TMEM209: variants seen among roughly 807,000 people sequenced by gnomAD.
The protein encoded by TMEM209 is transmembrane protein 209, also known as testicular tissue protein Li 202.
TMEM209 carries 65 observed loss-of-function variants against 76.2 expected under a neutral mutation model. The ratio of observed to expected loss-of-function variants is 0.85; its 90% CI spans 0.70 to 1.05. The LOEUF (loss-of-function observed/expected upper bound fraction) is 1.05, where lower values mean the gene tolerates loss of function less well. TMEM209 is among the 50% of genes least tolerant of loss of function. The probability of loss-of-function intolerance (pLI) is 0.00; values close to 1 mark genes in which losing one functional copy is unlikely to be tolerated. For synonymous variants in TMEM209, 239 were observed against 237.6 expected (o/e 1.01, Z -0.06); for missense variants, 623 against 685.5 (o/e 0.91, Z 1.02).
chr7:130,188,163 A>G (rs1047299705), intron 6 of TMEM209, among the ~76,000 whole-genome samples: 6 of 152,274 alleles, frequency 3.9e-5, no homozygotes, highest in South Asian at 4.1e-4. Context: ...AATTAGTTAA[A>G]TAACAGTTTA....
At chr7:130,200,665 T>C (rs1434100163) in intron 5 of TMEM209, among the ~76,000 whole-genome samples, 1 of 152,198 alleles carries the variant, frequency 6.6e-6, no homozygotes, top group Non-Finnish European at 1.5e-5. Flanking sequence ...AGTATCATCT[T>C]GTGAAAAATT....
intron 11 of TMEM209, 101 bp downstream of exon 11, chr7:130,175,411 G>T: frequency 9.3e-7 from 1 of 1,080,806 alleles, no homozygotes; most frequent in Non-Finnish European, 1.3e-6. Flanking sequence ...GCAGTGAGAC[G>T]TGACTGTGCC....
chr7:130,200,866 G>A (rs1798164885), intron 5 of TMEM209, among the ~76,000 whole-genome samples: 1 of 151,968 alleles, frequency 6.6e-6, no homozygotes. Flanking sequence ...GAGGAGGGCA[G>A]ATCGCAAGGT....
At chr7:130,201,249 C>T (rs74910641) in intron 5 of TMEM209, among the ~76,000 whole-genome samples, 43 of 152,138 alleles carry the variant, frequency 2.8e-4, no homozygotes, top group Non-Finnish European at 5.4e-4. Context: ...CTTCTTTCAA[C>T]GCCCCCTTAT....
chr7:130,197,924 CTTTA>C (rs1199667398), intron 5 of TMEM209, among the ~76,000 whole-genome samples: 1 of 152,174 alleles, frequency 6.6e-6, no homozygotes, highest in East Asian at 1.9e-4. Context: ...TTAAAAATAG[CTTTA>C]TTGAGATATA....
intron 7 of TMEM209, 81 bp downstream of exon 7, chr7:130,185,111 C>T (rs1797551343): frequency 4.2e-6 from 6 of 1,440,682 alleles, no homozygotes; most frequent in South Asian, 2.8e-5. Flanking sequence ...TGGAAGATTA[C>T]AGAAAAAATG....
chr7:130,188,675 T>C (rs1797695420), intron 6 of TMEM209, among the ~76,000 whole-genome samples: 1 of 149,552 alleles, frequency 6.7e-6, no homozygotes, highest in African/African-American at 2.5e-5. Flanking sequence ...CATCAACAGA[T>C]GCTAAAATCA....
In TMEM209 at chr7:130,181,607, C is replaced by T; in HGVS notation, c.1120+16G>A. On this transcript the variant is annotated intron_variant, in intron 9 of 14. Coordinates refer to ENST00000397622, the MANE Select transcript of TMEM209 (RefSeq NM_032842.4). ...TTACTAATAGAAATCCAACACTGGGCTCTGTTTTCACATACCTCCTATCTG... is the reference window on the plus strand; with the variant it reads ...TTACTAATAGAAATCCAACACTGGGTTCTGTTTTCACATACCTCCTATCTG... 1 of 1,600,954 alleles carries T rather than the reference C, an allele frequency of 6.2e-7. No individual in the cohort carries two copies.
intron 4 of TMEM209, 143 bp from the exon 5 acceptor site, chr7:130,202,234 C>T (rs1268024530): frequency 3.0e-5 from 36 of 1,204,508 alleles, no homozygotes; most frequent in Non-Finnish European, 3.6e-5. Flanking sequence ...TGTATTATTA[C>T]CAAAGGACAC....
Position 130,185,367 on chromosome 7 carries a change from C to T in TMEM209, c.776G>A (p.Gly259Glu). The T allele has an allele frequency of 3.1e-6, 5 of 1,613,028 alleles. No individual in the cohort carries two copies. The highest frequency in any genetic ancestry group is 4.2e-6 in the Non-Finnish European group (5 of 1,179,288). The change falls in exon 7 of 15, where the codon GGG becomes GAG. Residue 259 changes from glycine to glutamate, a missense_variant and splice_region_variant. Coordinates refer to ENST00000397622, the MANE Select transcript of TMEM209 (RefSeq NM_032842.4). ...EEEKQHRVKL[G>E]SPDSTSPSSS... ...GGAAGGAGAGGTAGAATCTGGGCTCCCTACAATTGTTAAGATAAACAGTAT... is the reference window on the plus strand; with the variant it reads ...GGAAGGAGAGGTAGAATCTGGGCTCTCTACAATTGTTAAGATAAACAGTAT...
Position 130,202,227 on chromosome 7 carries a change from A to T in TMEM209, c.332-136T>A, listed in dbSNP as rs75793593. On this transcript the variant is annotated intron_variant, in intron 4 of 14. Coordinates refer to ENST00000397622, the MANE Select transcript of TMEM209 (RefSeq NM_032842.4). ...ACTTGGTTGTTAAATCACAGAATGTATTATTACCAAAGGACACAAATTACG... is the reference window on the plus strand; with the variant it reads ...ACTTGGTTGTTAAATCACAGAATGTTTTATTACCAAAGGACACAAATTACG... The T allele has an allele frequency of 7.1e-5, 87 of 1,227,964 alleles. No individual in the cohort carries two copies. In the African/African-American group the frequency reaches 1.3e-3, roughly 18 times the overall value. 76.1% of individuals were successfully genotyped at this position (1,227,964 alleles called of 1,614,324 possible).
At position 130,175,400 on chromosome 7, in the gene TMEM209, T is replaced by C. The variant is rs1797200112; in HGVS notation, c.1344+112A>G. The C allele has an allele frequency of 4.1e-6, 4 of 966,268 alleles. 1 individual carries two copies. The highest frequency in any genetic ancestry group is 3.3e-5 in the South Asian group (2 of 60,762). 59.9% of individuals were successfully genotyped at this position (966,268 alleles called of 1,614,324 possible). On this transcript the variant is annotated intron_variant, in intron 11 of 14. Coordinates refer to ENST00000397622, the MANE Select transcript of TMEM209 (RefSeq NM_032842.4). Reference sequence around the variant, plus strand: ...CACTTGAGCCCTGGGAGATCAAAGCTGCAGTGAGACGTGACTGTGCCACTG... The same window carrying C: ...CACTTGAGCCCTGGGAGATCAAAGCCGCAGTGAGACGTGACTGTGCCACTG...
At position 130,166,515 on chromosome 7, in the gene TMEM209, G is replaced by A; in HGVS notation, c.1632-10C>T. The A allele has an allele frequency of 1.3e-6, 2 of 1,496,664 alleles. No homozygotes were observed. Among genetic ancestry groups the A allele is most frequent in the South Asian group, 1.4e-5 (1 of 73,362 alleles). 92.7% of individuals were successfully genotyped at this position (1,496,664 alleles called of 1,614,324 possible). A position where few individuals can be genotyped will look rare whatever the true frequency, so the allele number is the denominator to read the frequency against. On this transcript the variant is annotated splice_polypyrimidine_tract_variant and intron_variant, in intron 14 of 14. Transcript: ENST00000397622. ...ACCAAGATTAACTCTCCTATAAAGA[G>A]AAAAAAAATTTTTATTAGAATTGGT...
rs759734087 is a variant in TMEM209 at position 130,192,678 on chromosome 7, C to T, written c.719G>A (p.Arg240Gln). The change falls in exon 6 of 15, where the codon CGA (arginine) becomes CAA (glutamine). Residue 240 changes from arginine to glutamine, a missense_variant. By Grantham distance (43) the Arg-to-Gln change is conservative. Coordinates refer to ENST00000397622, the MANE Select transcript of TMEM209 (RefSeq NM_032842.4). ...TDKEDYMTDL[R>Q]TLDTFLRSEE... ...ACTTCTGAGAAAAGTATCCAAAGTTCGTAGGTCGGTCATGTAGTCTTCTTT... is the reference window on the plus strand; with the variant it reads ...ACTTCTGAGAAAAGTATCCAAAGTTTGTAGGTCGGTCATGTAGTCTTCTTT... 4 of 1,613,684 alleles carry T rather than the reference C, an allele frequency of 2.5e-6. No homozygotes were observed. Among genetic ancestry groups the T allele is most frequent in the East Asian group, 4.5e-5 (2 of 44,872 alleles).
At chr7:130,204,999 G>A in intron 1 of TMEM209, 1 of 1,171,254 alleles carries the variant, frequency 8.5e-7, no homozygotes, top group South Asian at 2.3e-5. Context: ...GTAAGAGGGA[G>A]AGAGGGGAAA....
intron 5 of TMEM209, among the ~76,000 whole-genome samples, chr7:130,195,247 G>A (rs1247033851): frequency 6.6e-6 from 1 of 152,022 alleles, no homozygotes; most frequent in Admixed American, 6.6e-5. Flanking sequence ...CTTTATAACA[G>A]TATCTTTTTA....
chr7:130,170,704 C>T (rs1259650187), intron 13 of TMEM209, among the ~76,000 whole-genome samples: 2 of 152,088 alleles, frequency 1.3e-5, no homozygotes, highest in African/African-American at 4.8e-5. Flanking sequence ...GTAGGAAAGG[C>T]AGACAGTAAA....
At position 130,178,382 on chromosome 7, in the gene TMEM209, C is replaced by A. The variant is rs1395843241; in HGVS notation, c.1246+20G>T. ...ATAGTAAAAAAGCTCTTATTTTTTTCTCTTCAAATCAATAATTACCTTTGA... is the reference window on the plus strand; with the variant it reads ...ATAGTAAAAAAGCTCTTATTTTTTTATCTTCAAATCAATAATTACCTTTGA... On this transcript the variant is annotated intron_variant, in intron 10 of 14. Coordinates refer to ENST00000397622, the MANE Select transcript of TMEM209 (RefSeq NM_032842.4). The A allele has an allele frequency of 1.3e-6, 2 of 1,562,736 alleles. No individual in the cohort carries two copies. Among genetic ancestry groups the A allele is most frequent in the Non-Finnish European group, 1.7e-6 (2 of 1,154,438 alleles).
At chr7:130,203,732 C>A (rs1172618604) in intron 3 of TMEM209, 56 bp downstream of exon 3, 33 of 1,439,656 alleles carry the variant, frequency 2.3e-5, no homozygotes, top group Non-Finnish European at 2.8e-5. Context: ...CTGAATTAAA[C>A]CTGAAGGCAG....
Sources: gnomAD v4.1 joint callset for allele counts (sites outside exome capture counted in the v4.1 genomes callset) on GRCh38, gnomAD v4.1.1 for gene constraint, MANE v1.5 for transcripts, NCBI Gene and HGNC (gene_info 2026-07-23, HGNC 2026-07-21) for gene names.